Variants in COL5A2 observed in about 807,000 individuals in gnomAD.
COL5A2 encodes collagen type V alpha 2 chain.
In COL5A2, 23 loss-of-function variants were observed where a neutral mutation model predicts 208.2. The observed-to-expected ratio is 0.11, with a 90% CI of 0.08 to 0.16. The LOEUF is 0.16. COL5A2 is among the 10% of genes least tolerant of loss of function. The pLI is 1.00. For missense variants in COL5A2, 1,590 were observed against 1,956.4 expected, an observed-to-expected ratio of 0.81 and a Z score of 3.53; for synonymous variants, 625 against 628.5, an observed-to-expected ratio of 0.99 and a Z score of 0.08.
chr2:189,194,804 T>C (rs766472853), intron 1 of COL5A2, among the ~76,000 whole-genome samples: 1 of 152,196 alleles, frequency 6.6e-6, no homozygotes, highest in Non-Finnish European at 1.5e-5. Context: ...GATTTTAACA[T>C]GAAGGGATGT....
chr2:189,357,445 C>T, the COL5A2 span, among the ~76,000 whole-genome samples: 1 of 152,178 alleles, frequency 6.6e-6, no homozygotes, highest in Non-Finnish European at 1.5e-5. Flanking sequence ...GGCAGTCTGG[C>T]TGCAGCGGCC....
At chr2:189,180,437 G>A (rs1450422646), upstream of COL5A2, among the ~76,000 whole-genome samples, 1 of 152,114 alleles carries the variant, frequency 6.6e-6, no homozygotes, top group Non-Finnish European at 1.5e-5. Context: ...GGTTCCTCTT[G>A]TCCCAGAGAG....
chr2:189,097,734 A>G (rs930045399), intron 5 of COL5A2: 1 of 459,156 alleles, frequency 2.2e-6, no homozygotes, highest in African/African-American at 2.0e-5. Context: ...ACAAATTATC[A>G]ATTATTCCAG....
chr2:189,193,250 A>G (rs570146707), intron 1 of COL5A2, among the ~76,000 whole-genome samples: 1 of 152,346 alleles, frequency 6.6e-6, no homozygotes, highest in South Asian at 2.1e-4. Flanking sequence ...GCCTAAACTC[A>G]GAAAGATTTT....
At chr2:189,192,692 T>A (rs1688946003) in intron 1 of COL5A2, among the ~76,000 whole-genome samples, 1 of 152,212 alleles carries the variant, frequency 6.6e-6, no homozygotes, top group Non-Finnish European at 1.5e-5. Context: ...TTTTTGGACA[T>A]TAAAAGTGTA....
chr2:189,238,447 T>G, the COL5A2 span, among the ~76,000 whole-genome samples: 1 of 152,118 alleles, frequency 6.6e-6, no homozygotes, highest in African/African-American at 2.4e-5. Flanking sequence ...TAAACAGAAC[T>G]AGAATATTTG....
At chr2:189,253,537 G>A in the COL5A2 span, among the ~76,000 whole-genome samples, 5 of 152,274 alleles carry the variant, frequency 3.3e-5, no homozygotes, top group East Asian at 1.9e-4. Context: ...GTGTGTCTTC[G>A]AATTTGTTGA....
chr2:189,094,103 C>G (rs1686848009), intron 6 of COL5A2, among the ~76,000 whole-genome samples: 4 of 152,134 alleles, frequency 2.6e-5, no homozygotes, highest in Admixed American at 2.6e-4. Flanking sequence ...TTTCTCCATT[C>G]TTCTGTAATT....
At chr2:189,262,358 C>A in the COL5A2 span, among the ~76,000 whole-genome samples, 1 of 151,944 alleles carries the variant, frequency 6.6e-6, no homozygotes, top group Non-Finnish European at 1.5e-5. Flanking sequence ...CAGACAGATA[C>A]ACACACATAC....
chr2:189,040,801 G>A (rs1217258479), intron 50 of COL5A2, among the ~76,000 whole-genome samples: 9 of 152,208 alleles, frequency 5.9e-5, no homozygotes, highest in Non-Finnish European at 1.5e-5. Context: ...ATAAGCTGAA[G>A]GTATTCCAAT....
At chr2:189,132,213 G>C (rs1031468949) in intron 1 of COL5A2, among the ~76,000 whole-genome samples, 2 of 152,178 alleles carry the variant, frequency 1.3e-5, no homozygotes, top group Admixed American at 6.5e-5. Flanking sequence ...CTGGTTTTTA[G>C]AGACATAAGT....
chr2:189,083,280 T>C (rs574989412), intron 12 of COL5A2, among the ~76,000 whole-genome samples: 9 of 152,102 alleles, frequency 5.9e-5, no homozygotes, highest in African/African-American at 2.2e-4. Flanking sequence ...GCAATTTGAG[T>C]GACAAGAGAC....
intron 1 of COL5A2, among the ~76,000 whole-genome samples, chr2:189,215,182 T>C (rs35598715): frequency 0.14 from 21,947 of 152,114 alleles, 2,009 homozygotes; most frequent in South Asian, 0.2. Context: ...AAGAGCTAGA[T>C]CTCGTAGGGT....
intron 1 of COL5A2, among the ~76,000 whole-genome samples, chr2:189,134,628 T>C (rs1257405677): frequency 6.6e-6 from 1 of 152,160 alleles, no homozygotes; most frequent in African/African-American, 2.4e-5. Flanking sequence ...TCAACAGTTT[T>C]GCATAAAGCA....
the COL5A2 span, among the ~76,000 whole-genome samples, chr2:189,231,626 T>C: frequency 6.6e-6 from 1 of 151,724 alleles, no homozygotes; most frequent in Non-Finnish European, 1.5e-5. Context: ...TGATAACTTA[T>C]GATCATCTGG....
intron 14 of COL5A2, among the ~76,000 whole-genome samples, chr2:189,079,720 T>C (rs146929170): frequency 1.3e-5 from 2 of 152,292 alleles, no homozygotes; most frequent in East Asian, 3.9e-4. Context: ...AGATTCATAG[T>C]GCCATCTTCA....
intron 38 of COL5A2, 121 bp from the exon 39 acceptor site, chr2:189,053,139 T>A: frequency 2.2e-6 from 2 of 889,572 alleles, no homozygotes; most frequent in Non-Finnish European, 1.7e-6. Context: ...ATAATCAGTA[T>A]TAAAGCATAC....
rs769708143 is a variant in COL5A2 at position 189,053,477 on chromosome 2, C to A, written c.2500G>T (p.Gly834Cys). 6.2e-7 allele frequency: 1 copy of A among 1,613,418 alleles called. No homozygotes were observed. Among genetic ancestry groups the A allele is most frequent in the Non-Finnish European group, 8.5e-7 (1 of 1,179,540 alleles). The change falls in exon 38 of 54, where the codon GGT becomes TGT. Residue 834 changes from glycine to cysteine, a missense_variant and splice_region_variant. Physicochemically the swap from Gly to Cys is radical, Grantham distance 159. Coordinates refer to ENST00000374866, the MANE Select transcript of COL5A2 (RefSeq NM_000393.5). Reference sequence around the variant, plus strand: ...GTTGGCCCATTTTCACCTCGAGAACCCTAGGAGGAGACAAAGATTACTGTA... The same window carrying A: ...GTTGGCCCATTTTCACCTCGAGAACACTAGGAGGAGACAAAGATTACTGTA... ...VGPPGSRGNP[G>C]SRGENGPTGA...
intron 37 of COL5A2, 55 bp downstream of exon 37, chr2:189,053,840 T>C: frequency 7.2e-7 from 1 of 1,380,498 alleles, no homozygotes; most frequent in Admixed American, 1.7e-5. Flanking sequence ...ACAAAATGAT[T>C]AATTGTTTTA....
Sources: allele counts gnomAD v4.1 joint callset (sites outside exome capture counted in the v4.1 genomes callset), GRCh38; gene constraint gnomAD v4.1.1; transcripts MANE v1.5; gene names NCBI Gene and HGNC (gene_info 2026-07-23, HGNC 2026-07-21).